CCDC33: variants seen among roughly 807,000 people sequenced by gnomAD.
CCDC33 encodes the protein coiled-coil domain-containing protein 33.
In CCDC33, 94 loss-of-function variants were observed where a neutral mutation model predicts 91.9. That is an observed-to-expected ratio of 1.02 (90% CI 0.87 to 1.21). The LOEUF is 1.21. Among genes scored for constraint, CCDC33 ranks in the 50% most tolerant of loss-of-function variants. The probability of loss-of-function intolerance (pLI) is 0.00; values close to 1 mark genes in which losing one functional copy is unlikely to be tolerated. For missense variants in CCDC33, 940 were observed against 935.5 expected (o/e 1.00, Z -0.06); for synonymous variants, 396 against 374.5 (o/e 1.06, Z -0.66).
At chr15:74,311,143 C>T (rs1009176) in intron 11 of CCDC33, among the ~76,000 whole-genome samples, 25,061 of 152,110 alleles carry the variant, frequency 0.16, 2,175 homozygotes, top group Middle Eastern at 0.22. Context: ...GAGCTCCCAT[C>T]ACCCTGGTCC....
chr15:74,207,284 T>G (rs1259856695), intron 1 of CCDC33, among the ~76,000 whole-genome samples: 3 of 151,984 alleles, frequency 2.0e-5, no homozygotes, highest in African/African-American at 7.3e-5. Context: ...AAACATCCCC[T>G]CAAGGACTCC....
intron 10 of CCDC33, among the ~76,000 whole-genome samples, chr15:74,289,967 G>A (rs996588804): frequency 6.6e-6 from 1 of 152,106 alleles, no homozygotes; most frequent in Non-Finnish European, 1.5e-5. Flanking sequence ...GTGCATAATT[G>A]GTAGATTGAA....
chr15:74,305,950 T>A (rs1163180757), intron 11 of CCDC33, among the ~76,000 whole-genome samples: 3 of 152,172 alleles, frequency 2.0e-5, no homozygotes, highest in African/African-American at 7.2e-5. Flanking sequence ...TCTTGAGGCT[T>A]TTCAGAGGAC....
At chr15:74,268,542 C>T in intron 5 of CCDC33, 84 bp downstream of exon 5, 1 of 1,048,022 alleles carries the variant, frequency 9.5e-7, no homozygotes, top group Non-Finnish European at 1.5e-6. Flanking sequence ...TGCCCTTAGC[C>T]CCCTCTGGCT....
chr15:74,221,821 C>T (rs922260936), intron 2 of CCDC33, among the ~76,000 whole-genome samples: 4 of 152,136 alleles, frequency 2.6e-5, no homozygotes, highest in African/African-American at 4.8e-5. Context: ...CAGGGTGCTT[C>T]CTTTCTGGGT....
At position 74,218,749 on chromosome 15, in the gene CCDC33, T is replaced by A. The variant is rs1289915991; in HGVS notation, c.563T>A (p.Val188Glu). The change falls in exon 2 of 3, where the codon GTG becomes GAG. Residue 188 changes from valine (V) to glutamate (E), a missense_variant. Val to Glu is a moderately radical substitution (Grantham distance 121). Coordinates refer to the CCDC33 transcript ENST00000635913. The surrounding 1 kb of genome is among the most constrained non-coding windows in gnomAD (Gnocchi z 4.8). ...CACTGTGGGAGCCTGGCCTACAGTG[T>A]GGCCTTCCACGTCCACCGGGGCCCT... 7.8e-7 allele frequency: 1 copy of A among 1,289,724 alleles called. No individual in the cohort carries two copies. The highest frequency in any genetic ancestry group is 1.0e-6 in the Non-Finnish European group (1 of 988,820). 79.9% of individuals were successfully genotyped at this position (1,289,724 alleles called of 1,614,324 possible). A position where few individuals can be genotyped will look rare whatever the true frequency, so the allele number is the denominator to read the frequency against.
chr15:74,252,058 G>C (rs1044441950), intron 2 of CCDC33, among the ~76,000 whole-genome samples: 1 of 152,150 alleles, frequency 6.6e-6, no homozygotes, highest in African/African-American at 2.4e-5. Context: ...CTTGCCCAAG[G>C]TCACAGAACT....
intron 7 of CCDC33, among the ~76,000 whole-genome samples, chr15:74,278,024 A>C (rs558515717): frequency 1.3e-5 from 2 of 152,290 alleles, no homozygotes; most frequent in South Asian, 4.1e-4. Context: ...TTTGGGGATC[A>C]ATCTTGAAAG....
At chr15:74,321,138 T>C (rs1346634662) in intron 11 of CCDC33, among the ~76,000 whole-genome samples, 1 of 152,242 alleles carries the variant, frequency 6.6e-6, no homozygotes, top group Non-Finnish European at 1.5e-5. Flanking sequence ...AACTGGGCTT[T>C]TGCTCCCTGG....
chr15:74,228,804 C>T (rs79414379), intron 2 of CCDC33, among the ~76,000 whole-genome samples: 4,438 of 152,290 alleles, frequency 0.029, 216 homozygotes, highest in African/African-American at 0.1. Flanking sequence ...AGGCAGGGGC[C>T]GGGCCAGCTC....
At position 74,272,856 on chromosome 15, in the gene CCDC33, G is replaced by C. The variant is rs775748820; in HGVS notation, c.724G>C (p.Asp242His). The change falls in exon 7 of 19, where the codon GAC becomes CAC. Residue 242 changes from aspartate (D) to histidine (H), a missense_variant. By Grantham distance (81) the Asp-to-His change is moderately conservative. Transcript: ENST00000398814. ...CCCTATCCCGTCCATGATGAACTTT[G>C]ACGTGCCTCGCGTCAGCCAGAACGG... ...SFPIPSMMNFDVPRVSQNGCP... is the reference protein window; with the variant it reads ...SFPIPSMMNFHVPRVSQNGCP... The C allele has an allele frequency of 2.3e-5, 37 of 1,614,238 alleles. No homozygotes were observed. The highest frequency in any genetic ancestry group is 3.1e-5 in the Non-Finnish European group (37 of 1,180,038).
rs144322138 is a variant in CCDC33 at position 74,294,441 on chromosome 15, T to TA, written c.1096-1301dup. Among the ~76,000 whole-genome samples, 122 of 150,238 alleles carry TA rather than the reference T, an allele frequency of 8.1e-4. No individual in the cohort carries two copies. The East Asian group carries it at 0.02, about 25-fold the overall frequency. ...AGCCCAAGGAACTTAAAATTTTATT[T>TA]AAAAAAAAAAAACAAAAAAAAAGCA... On this transcript the variant is annotated intron_variant, in intron 10 of 18. Transcript: ENST00000398814.
rs751490505 is a variant in CCDC33 at position 74,332,668 on chromosome 15, C to T, written c.1772-11C>T. 18 of 1,612,392 alleles carry T rather than the reference C, an allele frequency of 1.1e-5. No homozygotes were observed. The East Asian group carries it at 1.3e-4, about 12-fold the overall frequency. ...AGCCCATCTCACCAACATCTGTGGC[C>T]GTGTCTCTAGGCTTCCCTATGCTCT... On this transcript the variant is annotated splice_polypyrimidine_tract_variant and intron_variant, in intron 15 of 18. Coordinates refer to ENST00000398814, the MANE Select transcript of CCDC33 (RefSeq NM_025055.5).
chr15:74,291,138 G>A (rs2059576989), intron 10 of CCDC33, among the ~76,000 whole-genome samples: 1 of 152,190 alleles, frequency 6.6e-6, no homozygotes, highest in Admixed American at 6.5e-5. Flanking sequence ...GACAGACCCG[G>A]AGCTTCAAAC....
At chr15:74,327,013 G>A (rs900540568) in intron 11 of CCDC33, among the ~76,000 whole-genome samples, 1 of 152,190 alleles carries the variant, frequency 6.6e-6, no homozygotes, top group Non-Finnish European at 1.5e-5. Flanking sequence ...ACTGCTGTGC[G>A]GGTGGGGGAA....
Position 74,295,283 on chromosome 15 carries a change from G to A in CCDC33, c.1096-471G>A, listed in dbSNP as rs549236283. Among the ~76,000 whole-genome samples, 28 of 152,364 alleles carry A rather than the reference G, an allele frequency of 1.8e-4. No individual in the cohort carries two copies. In the East Asian group the frequency reaches 3.9e-3, roughly 21 times the overall value. Reference sequence around the variant, plus strand: ...ATCCTAGCATGGGCATTTGCAGAAGGAAGGCAGTTAAGAAGTAAATGCATT... The same window carrying A: ...ATCCTAGCATGGGCATTTGCAGAAGAAAGGCAGTTAAGAAGTAAATGCATT... On this transcript the variant is annotated intron_variant, in intron 10 of 18. Coordinates refer to ENST00000398814, the MANE Select transcript of CCDC33 (RefSeq NM_025055.5).
chr15:74,252,691 G>C (rs893969284), intron 2 of CCDC33, among the ~76,000 whole-genome samples: 1 of 152,174 alleles, frequency 6.6e-6, no homozygotes, highest in Non-Finnish European at 1.5e-5. Flanking sequence ...AGAAGCCAAG[G>C]CTCCTTCTCT....
At position 74,331,294 on chromosome 15, in the gene CCDC33, C is replaced by T. The variant is rs754809994; in HGVS notation, c.1769C>T (p.Thr590Met). 24 of 1,613,720 alleles carry T rather than the reference C, an allele frequency of 1.5e-5. 1 individual carries two copies. Among genetic ancestry groups the T allele is most frequent in the Middle Eastern group, 1.7e-4 (1 of 6,054 alleles). The change falls in exon 15 of 19, where the codon ACG becomes ATG. Residue 590 changes from threonine (T) to methionine (M), a missense_variant and splice_region_variant. Transcript: ENST00000398814. ...PLNRQQGKPY[T>M]GFPMLSASGL... ...AACAGGCAGCAGGGAAAGCCCTACA[C>T]GGGTGGGTCCACACCCTGATGTGAT...
chr15:74,318,849 G>A (rs1443303508), intron 11 of CCDC33, among the ~76,000 whole-genome samples: 1 of 152,144 alleles, frequency 6.6e-6, no homozygotes, highest in African/African-American at 2.4e-5. Flanking sequence ...CAAGGCCCCT[G>A]GCTCCAGCCT....
Sources: allele counts gnomAD v4.1 joint callset (sites outside exome capture counted in the v4.1 genomes callset), GRCh38; gene constraint gnomAD v4.1.1; non-coding constraint Gnocchi (gnomAD v3.1); transcripts MANE v1.5; gene names NCBI Gene and HGNC (gene_info 2026-07-23, HGNC 2026-07-21).